Variants in SLIT3 observed in about 807,000 individuals in gnomAD.
SLIT3 encodes slit homolog 3 protein.
A neutral mutation model predicts 184.0 loss-of-function variants in SLIT3; 68 were observed. That is an observed-to-expected ratio of 0.37 (90% CI 0.30 to 0.45). SLIT3 has a LOEUF of 0.45. Among genes scored for constraint, SLIT3 ranks in the 20% least tolerant of loss-of-function variants. SLIT3 has a pLI of 1.00. For missense variants in SLIT3, 1,707 were observed against 2,026.0 expected, an observed-to-expected ratio of 0.84 and a Z score of 3.02; for synonymous variants, 831 against 828.6, an observed-to-expected ratio of 1.00 and a Z score of -0.05.
intron 4 of SLIT3, among the ~76,000 whole-genome samples, chr5:168,998,702 T>TCAAAACAAAACAAAACAAAA (rs66611793): frequency 2.1e-5 from 3 of 141,698 alleles, no homozygotes; most frequent in African/African-American, 5.1e-5. Flanking sequence ...AGACTCCATT[T>TCAAAACAAAACAAAACAAAA]CAAAACAAAA....
At chr5:169,153,915 C>T (rs1028599954) in intron 4 of SLIT3, among the ~76,000 whole-genome samples, 1 of 151,894 alleles carries the variant, frequency 6.6e-6, no homozygotes, top group Admixed American at 6.6e-5. Context: ...TGGGGTCCTA[C>T]TCTGAACCCC....
Position 168,666,585 on chromosome 5 carries a change from C to G in SLIT3, c.4441G>C (p.Gly1481Arg). 6.2e-7 allele frequency: 1 copy of G among 1,614,184 alleles called. No homozygotes were observed. The highest frequency in any genetic ancestry group is 1.1e-5 in the South Asian group (1 of 91,084). ...SKVPIMECRG[G>R]CGPQCCQPTR... ...GGCTGGCAGCACTGGGGCCCACAGC[C>G]CCCACGACATTCCATGATGGGCACC... The change falls in exon 36 of 36, where the codon GGC becomes CGC. Residue 1481 changes from glycine (G) to arginine (R), a missense_variant. Gly to Arg is a moderately radical substitution (Grantham distance 125). Coordinates refer to ENST00000519560, the MANE Select transcript of SLIT3 (RefSeq NM_003062.4).
intron 4 of SLIT3, among the ~76,000 whole-genome samples, chr5:168,953,954 G>A (rs1212468316): frequency 2.0e-5 from 3 of 152,136 alleles, no homozygotes; most frequent in Non-Finnish European, 4.4e-5. Flanking sequence ...ACGACTTCTA[G>A]AATACAGTCA....
chr5:168,856,806 T>TGTGTGTGTGTGTGTGTGCGCGC (rs374432432), intron 5 of SLIT3, among the ~76,000 whole-genome samples: 1 of 137,740 alleles, frequency 7.3e-6, no homozygotes, highest in African/African-American at 2.8e-5. Context: ...TGTGTGTGTG[T>TGTGTGTGTGTGTGTGTGCGCGC]GCGCGCGCGC....
chr5:169,102,435 G>T (rs1295318272), intron 4 of SLIT3, among the ~76,000 whole-genome samples: 1 of 152,030 alleles, frequency 6.6e-6, no homozygotes, highest in Non-Finnish European at 1.5e-5. Context: ...ATATAAAATG[G>T]TATAGTATTT....
intron 4 of SLIT3, among the ~76,000 whole-genome samples, chr5:168,897,678 AAAGG>A (rs1760727864): frequency 8.3e-6 from 1 of 120,094 alleles, no homozygotes; most frequent in African/African-American, 2.9e-5. Context: ...ACACACACAC[AAAGG>A]GACATACAGA....
At chr5:169,111,334 G>T (rs1760400336) in intron 4 of SLIT3, among the ~76,000 whole-genome samples, 1 of 152,228 alleles carries the variant, frequency 6.6e-6, no homozygotes, top group African/African-American at 2.4e-5. Flanking sequence ...AGCTTTTTCT[G>T]TAAATGATAA....
chr5:169,053,926 A>C (rs1338238231), intron 4 of SLIT3, among the ~76,000 whole-genome samples: 1 of 151,556 alleles, frequency 6.6e-6, no homozygotes, highest in Admixed American at 6.6e-5. Flanking sequence ...CATCTCTACT[A>C]AAAAAAATAC....
At chr5:169,040,128 A>G (rs1445952607) in intron 4 of SLIT3, among the ~76,000 whole-genome samples, 1 of 152,214 alleles carries the variant, frequency 6.6e-6, no homozygotes, top group Non-Finnish European at 1.5e-5. Context: ...TCTAATTCCT[A>G]TCGACCACAT....
intron 34 of SLIT3, 123 bp from the exon 35 acceptor site, chr5:168,670,114 T>G: frequency 2.5e-6 from 2 of 791,148 alleles, no homozygotes; most frequent in Non-Finnish European, 4.2e-6. Context: ...TAGCTTTCTC[T>G]GTTTCCTAGG....
At chr5:169,278,882 G>C (rs116453592) in intron 1 of SLIT3, among the ~76,000 whole-genome samples, 7,171 of 152,202 alleles carry the variant, frequency 0.047, 354 homozygotes, top group African/African-American at 0.13. Flanking sequence ...AACTTTCACT[G>C]CATTAAAACC....
chr5:169,096,694 G>GAT (rs1314062060), intron 4 of SLIT3, among the ~76,000 whole-genome samples: 1 of 152,172 alleles, frequency 6.6e-6, no homozygotes, highest in Non-Finnish European at 1.5e-5. Context: ...AATGGCTACT[G>GAT]ATATATATTG....
chr5:168,987,108 C>T (rs1454932257), intron 4 of SLIT3, among the ~76,000 whole-genome samples: 1 of 152,178 alleles, frequency 6.6e-6, no homozygotes, highest in African/African-American at 2.4e-5. Context: ...TTAATGGTCA[C>T]TAAGCTGTAG....
intron 4 of SLIT3, among the ~76,000 whole-genome samples, chr5:169,068,856 A>G (rs1758446042): frequency 6.6e-6 from 1 of 152,204 alleles, no homozygotes; most frequent in South Asian, 2.1e-4. Context: ...AAAAAAATGC[A>G]GAATCCTTTT....
intron 4 of SLIT3, among the ~76,000 whole-genome samples, chr5:169,014,096 A>AAGGAAGGCAGGCAGGC (rs1756271539): frequency 6.7e-6 from 1 of 150,216 alleles, no homozygotes; most frequent in Non-Finnish European, 1.5e-5. Flanking sequence ...TGTGGGAAGG[A>AAGGAAGGCAGGCAGGC]AGGCAGGCAG....
intron 4 of SLIT3, among the ~76,000 whole-genome samples, chr5:168,949,394 G>A (rs1271636548): frequency 6.6e-6 from 1 of 152,130 alleles, no homozygotes; most frequent in Non-Finnish European, 1.5e-5. Context: ...TACACATGTG[G>A]TTCCATGAAA....
intron 4 of SLIT3, among the ~76,000 whole-genome samples, chr5:168,961,179 A>T (rs533263603): frequency 6.6e-6 from 1 of 152,276 alleles, no homozygotes; most frequent in East Asian, 1.9e-4. Flanking sequence ...CTTTGACTGG[A>T]TCAAAGCCCT....
intron 4 of SLIT3, among the ~76,000 whole-genome samples, chr5:168,919,266 A>G (rs1339391024): frequency 6.6e-6 from 1 of 151,960 alleles, no homozygotes; most frequent in Non-Finnish European, 1.5e-5. Flanking sequence ...TCTCAAAAAA[A>G]AAAAAAAAAG....
At chr5:169,005,554 A>C (rs147710908) in intron 4 of SLIT3, among the ~76,000 whole-genome samples, 3 of 152,334 alleles carry the variant, frequency 2.0e-5, no homozygotes, top group African/African-American at 7.2e-5. Flanking sequence ...GAGACAATAC[A>C]TTCAACTCAG....
Sources: allele counts gnomAD v4.1 joint callset (sites outside exome capture counted in the v4.1 genomes callset), GRCh38; gene constraint gnomAD v4.1.1; transcripts MANE v1.5; gene names NCBI Gene and HGNC (gene_info 2026-07-23, HGNC 2026-07-21).